The following SLC39A10 variants were observed in gnomAD, a reference collection of about 807,000 sequenced individuals.
SLC39A10 encodes zinc transporter ZIP10.
A neutral mutation model predicts 65.1 loss-of-function variants in SLC39A10; 13 were observed. The ratio of observed to expected loss-of-function variants is 0.20; its 90% confidence interval spans 0.13 to 0.32. The LOEUF is 0.32. Ranked by LOEUF, SLC39A10 falls within the 10% of genes least tolerant of loss-of-function variation. The probability of loss-of-function intolerance (pLI) is 1.00; values close to 1 mark genes in which losing one functional copy is unlikely to be tolerated. For synonymous variants in SLC39A10, 321 were observed against 342.2 expected (o/e 0.94, Z 0.68); for missense variants, 831 against 1,018.4 (o/e 0.82, Z 2.50).
chr2:195,640,395 G>A (rs563223440), intron 2 of SLC39A10, among the ~76,000 whole-genome samples: 6 of 150,128 alleles, frequency 4.0e-5, no homozygotes, highest in East Asian at 1.9e-4. Context: ...GATGAACACC[G>A]AGGACACCAC....
chr2:195,723,729 G>A (rs1481280574), intron 8 of SLC39A10, among the ~76,000 whole-genome samples: 1 of 140,598 alleles, frequency 7.1e-6, no homozygotes, highest in Non-Finnish European at 1.6e-5. Flanking sequence ...TCAACTTCAA[G>A]GAAATAACAT....
intron 8 of SLC39A10, among the ~76,000 whole-genome samples, chr2:195,721,158 T>G (rs1165953701): frequency 6.6e-6 from 1 of 152,110 alleles, no homozygotes; most frequent in African/African-American, 2.4e-5. Flanking sequence ...CAAGCTGGTC[T>G]TGAACTCCTG....
chr2:195,708,775 A>C lies in SLC39A10; in HGVS notation c.1506A>C (p.Leu502=). Residue 502 remains leucine (L), a synonymous_variant, in exon 5 of 10, where the codon CTA becomes CTC. Transcript: ENST00000359634. ...YDAVLKGLVA[L]GGIYLLFIIE... ...CTGTATTGAAAGGACTTGTTGCTCT[A>C]GGAGGCATTTACTTGCTATTTATCA... The C allele has an allele frequency of 1.9e-6, 3 of 1,613,304 alleles. No homozygotes were observed. The highest frequency in any genetic ancestry group is 2.5e-6 in the Non-Finnish European group (3 of 1,179,650).
Position 195,728,294 on chromosome 2 carries a change from T to C in SLC39A10, c.2282T>C (p.Leu761Pro). Residue 761 changes from leucine to proline, a missense_variant, in exon 9 of 10, where the codon CTT becomes CCT. This residue lies in a region of SLC39A10 where 120 missense variants were observed against 203.9 expected (regional missense o/e 0.59). Coordinates refer to ENST00000359634, the MANE Select transcript of SLC39A10 (RefSeq NM_020342.3). The surrounding 1 kb of genome is among the most constrained non-coding windows in gnomAD (Gnocchi z 4.4). ...GGTCAGTATGCCAATAACATCACAC[T>C]TTGGATCTTTGCAGTCACTGCAGGC... The part of the protein sequence containing the change: ...AVGQYANNIT[L>P]WIFAVTAGMF... 1 of 1,614,050 alleles carries C rather than the reference T, an allele frequency of 6.2e-7. No homozygotes were observed. The highest frequency in any genetic ancestry group is 8.5e-7 in the Non-Finnish European group (1 of 1,179,914).
In SLC39A10 at chr2:195,736,257, G is replaced by C. The variant is rs935427155; in HGVS notation, c.*1216G>C. 6.4e-6 allele frequency: 1 copy of C among 156,652 alleles called. No homozygotes were observed. Among genetic ancestry groups the C allele is most frequent in the African/African-American group, 2.4e-5 (1 of 41,426 alleles). 9.7% of individuals were successfully genotyped at this position (156,652 alleles called of 1,614,324 possible). A position where few individuals can be genotyped will look rare whatever the true frequency, so the allele number is the denominator to read the frequency against. ...TAGGGATTAGTCTTTTAGGTGCCCT[G>C]TTCTCCTACCATAATTGTGAATGAT... On this transcript the variant is annotated 3_prime_UTR_variant, in exon 10 of 10. Coordinates refer to ENST00000359634, the MANE Select transcript of SLC39A10 (RefSeq NM_020342.3).
chr2:195,635,708 C>CTCT (rs1688685566), intron 2 of SLC39A10, among the ~76,000 whole-genome samples: 2 of 141,816 alleles, frequency 1.4e-5, no homozygotes, highest in Admixed American at 7.1e-5. Flanking sequence ...ACCCCCCCCA[C>CTCT]TTTTTTTTTT....
Position 195,713,423 on chromosome 2 carries a change from C to A in SLC39A10, c.1576-10C>A. ...ACTAATATCAGATACTATTTTTTTTCTTTTTTTAGGGAAAACAGAAATGGT... is the reference window on the plus strand; with the variant it reads ...ACTAATATCAGATACTATTTTTTTTATTTTTTTAGGGAAAACAGAAATGGT... On this transcript the variant is annotated splice_polypyrimidine_tract_variant and intron_variant, in intron 5 of 9. Transcript: ENST00000359634. 6.5e-7 allele frequency: 1 copy of A among 1,528,690 alleles called. No individual in the cohort carries two copies. The highest frequency in any genetic ancestry group is 1.3e-5 in the South Asian group (1 of 78,468). 94.7% of individuals were successfully genotyped at this position (1,528,690 alleles called of 1,614,324 possible).
intron 1 of SLC39A10, among the ~76,000 whole-genome samples, chr2:195,662,002 C>G (rs1689421394): frequency 6.6e-6 from 1 of 152,110 alleles, no homozygotes. Flanking sequence ...CTTTGGGGGA[C>G]AGCCCATCCC....
intron 9 of SLC39A10, among the ~76,000 whole-genome samples, chr2:195,730,629 A>G (rs1692404059): frequency 6.6e-6 from 1 of 152,144 alleles, no homozygotes; most frequent in African/African-American, 2.4e-5. Flanking sequence ...AAGTAATTTC[A>G]TCTAGTTTCA....
At chr2:195,635,303 G>A (rs1302919538) in intron 2 of SLC39A10, among the ~76,000 whole-genome samples, 1 of 152,168 alleles carries the variant, frequency 6.6e-6, no homozygotes, top group Non-Finnish European at 1.5e-5. Context: ...CCAGACTTGT[G>A]TCATGTATCT....
chr2:195,715,525 CAAAAAAA>C (rs545656309), intron 6 of SLC39A10, among the ~76,000 whole-genome samples: 3 of 61,596 alleles, frequency 4.9e-5, no homozygotes, highest in East Asian at 4.2e-4. Context: ...GACTCTGTCT[CAAAAAAA>C]AAAAAAAAAA....
chr2:195,697,851 C>T (rs1336829336), intron 3 of SLC39A10, among the ~76,000 whole-genome samples: 4 of 152,134 alleles, frequency 2.6e-5, no homozygotes, highest in Non-Finnish European at 5.9e-5. Context: ...TAGAGAAATG[C>T]AAATCAAAAC....
intron 2 of SLC39A10, among the ~76,000 whole-genome samples, chr2:195,614,414 C>G (rs1688163618): frequency 6.6e-6 from 1 of 152,046 alleles, no homozygotes; most frequent in Non-Finnish European, 1.5e-5. Context: ...TCCGAGCCCT[C>G]CACACTTTTA....
At chr2:195,694,045 T>G (rs577258020) in intron 3 of SLC39A10, among the ~76,000 whole-genome samples, 41 of 152,346 alleles carry the variant, frequency 2.7e-4, no homozygotes, top group African/African-American at 9.6e-4. Context: ...CCCTCTTGAT[T>G]TCATTGTTGA....
intron 1 of SLC39A10, among the ~76,000 whole-genome samples, chr2:195,675,037 A>C (rs750061400): frequency 3.3e-5 from 5 of 152,166 alleles, no homozygotes; most frequent in Non-Finnish European, 7.3e-5. Flanking sequence ...ATTACTATAC[A>C]CTACTGTAAA....
intron 4 of SLC39A10, among the ~76,000 whole-genome samples, chr2:195,707,882 T>C (rs918048050): frequency 1.3e-5 from 2 of 152,186 alleles, no homozygotes; most frequent in Non-Finnish European, 2.9e-5. Flanking sequence ...AAATAAATTT[T>C]AGAACGAAGA....
intron 2 of SLC39A10, among the ~76,000 whole-genome samples, chr2:195,640,932 A>G (rs1373099825): frequency 2.0e-5 from 3 of 152,214 alleles, no homozygotes; most frequent in African/African-American, 7.2e-5. Flanking sequence ...ATTATCAGCA[A>G]TGGTTCATGT....
rs1033640275 is a variant in SLC39A10 at position 195,678,587 on chromosome 2, C to A, written c.-11-1445C>A. ...GTTTTTTTTTTTTTTTTGGATGTCT[C>A]TTGATGAAACATAAATTCTTAATTT... On this transcript the variant is annotated intron_variant, in intron 1 of 9. Coordinates refer to ENST00000359634, the MANE Select transcript of SLC39A10 (RefSeq NM_020342.3). Among the ~76,000 whole-genome samples the A allele has an allele frequency of 1.6e-4, 23 of 140,208 alleles. 1 individual carries two copies. The highest frequency in any genetic ancestry group is 2.2e-4 in the Non-Finnish European group (14 of 64,958). The allele number at this position is 140,208 out of a possible 152,430, so 92.0% of individuals were successfully genotyped here.
intron 1 of SLC39A10, among the ~76,000 whole-genome samples, chr2:195,659,105 G>A (rs184272017): frequency 9.8e-5 from 15 of 152,298 alleles, no homozygotes; most frequent in African/African-American, 3.6e-4. Context: ...CGTAACTGAA[G>A]AGATAAGTAA....
Sources: allele counts gnomAD v4.1 joint callset (sites outside exome capture counted in the v4.1 genomes callset), GRCh38; gene constraint gnomAD v4.1.1; regional missense constraint gnomAD v4.1.1; non-coding constraint Gnocchi (gnomAD v3.1); transcripts MANE v1.5; gene names NCBI Gene and HGNC (gene_info 2026-07-23, HGNC 2026-07-21).